NHERF4: variants seen among roughly 807,000 people sequenced by gnomAD.
NHERF4 encodes NHERF family PDZ scaffold protein 4.
chr11:119,186,288 T>TAG, the NHERF4 span: 1 of 1,604,860 alleles, frequency 6.2e-7, no homozygotes, highest in Non-Finnish European at 8.5e-7. The surrounding 1 kb of genome is among the most constrained non-coding windows in gnomAD (Gnocchi z 4.4). Flanking sequence ...TGGTTGGGAG[T>TAG]AGAGATAGGA....
the NHERF4 span, chr11:119,187,614 CG>C: frequency 1.7e-5 from 27 of 1,581,082 alleles, no homozygotes; most frequent in Non-Finnish European, 2.2e-5. Context: ...AGCAGCTGAG[CG>C]GGCAGGGGTG....
At chr11:119,185,788 C>G in the NHERF4 span, 1 of 1,153,988 alleles carries the variant, frequency 8.7e-7, no homozygotes, top group East Asian at 2.5e-5. Context: ...AGAGAAGACC[C>G]CTTTGGAGCA....
chr11:119,185,708 A>G, the NHERF4 span: 1 of 777,314 alleles, frequency 1.3e-6, no homozygotes, highest in African/African-American at 1.7e-5. Context: ...GCTCAGATTT[A>G]TGTGCCAAGG....
At chr11:119,189,226 G>A in the NHERF4 span, 1 of 1,593,044 alleles carries the variant, frequency 6.3e-7, no homozygotes, top group Non-Finnish European at 8.5e-7. This position sits in a 1 kb window ranked among gnomAD's most constrained non-coding sequence, Gnocchi z 5.8. Flanking sequence ...AGAAACAGAT[G>A]GGACTGTGAG....
chr11:119,187,383 C>G, the NHERF4 span: 14 of 1,614,014 alleles, frequency 8.7e-6, no homozygotes, highest in Middle Eastern at 4.9e-4. Context: ...TCTGTCCCAC[C>G]CTAGGCCCAG....
chr11:119,188,754 G>A, the NHERF4 span: 738 of 1,614,176 alleles, frequency 4.6e-4, 4 homozygotes, highest in African/African-American at 7.3e-3. Flanking sequence ...AGACACAAGC[G>A]TGCCTTCTGT....
chr11:119,188,110 G>A, the NHERF4 span: 2 of 1,548,750 alleles, frequency 1.3e-6, no homozygotes, highest in Non-Finnish European at 1.7e-6. Flanking sequence ...TTGGGTTCCT[G>A]CTCCGGGAGG....
the NHERF4 span, chr11:119,187,654 A>T: frequency 6.4e-7 from 1 of 1,553,756 alleles, no homozygotes; most frequent in Non-Finnish European, 8.7e-7. Context: ...CTGGAAGTGA[A>T]TGGGGTCAGT....
the NHERF4 span, chr11:119,185,596 C>T: frequency 4.5e-6 from 6 of 1,347,158 alleles, no homozygotes; most frequent in Non-Finnish European, 6.4e-6. Context: ...GACCAGGGCA[C>T]ACTTGATTTT....
the NHERF4 span, chr11:119,188,870 G>A: frequency 1.2e-6 from 2 of 1,613,774 alleles, no homozygotes; most frequent in Non-Finnish European, 1.7e-6. Context: ...TCTCCCAGGT[G>A]ACTGATGCCC....
chr11:119,188,316 G>C, the NHERF4 span: 1 of 1,610,992 alleles, frequency 6.2e-7, no homozygotes, highest in Non-Finnish European at 8.5e-7. Flanking sequence ...AGTGGCCTAG[G>C]ATAGCTGGAG....
the NHERF4 span, chr11:119,185,757 C>T: frequency 7.7e-6 from 7 of 911,066 alleles, no homozygotes; most frequent in South Asian, 7.0e-5. Context: ...GCACAATAGT[C>T]CTGTGTGTAT....
At chr11:119,188,980 G>T in the NHERF4 span, 7 of 1,613,774 alleles carry the variant, frequency 4.3e-6, no homozygotes, top group Non-Finnish European at 5.9e-6. Flanking sequence ...GGTGTCCCCT[G>T]TTCTGCATGC....
the NHERF4 span, chr11:119,189,872 T>C: frequency 2.8e-6 from 1 of 352,434 alleles, no homozygotes; most frequent in East Asian, 5.6e-5. This position sits in a 1 kb window ranked among gnomAD's most constrained non-coding sequence, Gnocchi z 5.8. Context: ...GCCTGCCCTC[T>C]GTGGGTGCCT....
chr11:119,187,571 G>C, the NHERF4 span: 1 of 1,594,632 alleles, frequency 6.3e-7, no homozygotes, highest in Admixed American at 1.8e-5. Flanking sequence ...TAGGCAATCA[G>C]GGTCCTTTCT....
chr11:119,186,552 G>A, the NHERF4 span: 1 of 1,614,204 alleles, frequency 6.2e-7, no homozygotes. This position sits in a 1 kb window ranked among gnomAD's most constrained non-coding sequence, Gnocchi z 4.4. Context: ...GCTTCCACCT[G>A]CAGCAGGAGC....
At chr11:119,188,716 T>G in the NHERF4 span, 3 of 1,614,182 alleles carry the variant, frequency 1.9e-6, no homozygotes, top group Non-Finnish European at 2.5e-6. Context: ...TCAGCCTCAC[T>G]GGTTGAGACA....
the NHERF4 span, chr11:119,189,168 G>A: frequency 2.1e-4 from 340 of 1,612,708 alleles, 1 homozygote; most frequent in African/African-American, 1.1e-3. This position sits in a 1 kb window ranked among gnomAD's most constrained non-coding sequence, Gnocchi z 5.8. Context: ...AGGTCTCTGC[G>A]GGGCTTGGAA....
the NHERF4 span, chr11:119,188,929 C>T: frequency 5.6e-6 from 9 of 1,611,422 alleles, no homozygotes; most frequent in Non-Finnish European, 7.6e-6. Context: ...CGGTCTTCCT[C>T]TGCTTCCCTC....
Sources: gnomAD v4.1 joint callset for allele counts on GRCh38, gnomAD v4.1.1 for gene constraint, Gnocchi (gnomAD v3.1) non-coding constraint, MANE v1.5 for transcripts, NCBI Gene and HGNC (gene_info 2026-07-23, HGNC 2026-07-21) for gene names.